The following GMDS variants were observed in gnomAD, a reference collection of about 807,000 sequenced individuals.
GMDS encodes the protein GDP-mannose 4,6-dehydratase, also known as GDP-mannose 4,6 dehydratase.
A neutral mutation model predicts 49.9 loss-of-function variants in GMDS; 20 were observed. The observed-to-expected ratio is 0.40, with a 90% confidence interval of 0.28 to 0.58. The LOEUF (loss-of-function observed/expected upper bound fraction) is 0.58. Among genes scored for constraint, GMDS ranks in the 20% least tolerant of loss-of-function variants. GMDS has a pLI of 0.42. For synonymous variants in GMDS, 177 were observed against 178.6 expected (o/e 0.99, Z 0.07); for missense variants, 362 against 481.4 (o/e 0.75, Z 2.32).
intron 1 of GMDS, among the ~76,000 whole-genome samples, chr6:2,211,619 T>C (rs984762287): frequency 6.6e-6 from 1 of 152,150 alleles, no homozygotes; most frequent in South Asian, 2.1e-4. Flanking sequence ...GTCTCACTCC[T>C]CTTTGTAGCA....
chr6:2,149,869 C>T (rs1025373952), intron 1 of GMDS, among the ~76,000 whole-genome samples: 4 of 152,090 alleles, frequency 2.6e-5, no homozygotes, highest in Non-Finnish European at 5.9e-5. Flanking sequence ...TTAACTAAGT[C>T]CCAAGGTTTT....
intron 9 of GMDS, among the ~76,000 whole-genome samples, chr6:1,695,319 G>A (rs1765301379): frequency 6.6e-6 from 1 of 152,176 alleles, no homozygotes; most frequent in Non-Finnish European, 1.5e-5. Flanking sequence ...CTGAACCAAT[G>A]AATAGCATTG....
In GMDS at chr6:2,054,771, T is replaced by G. The variant is rs573601247; in HGVS notation, c.345+61000A>C. ...ACCCAGGGGGGGAAAAAAAAAACAT[T>G]GTTGGAACAAATGTAACAGAATCCA... On this transcript the variant is annotated intron_variant, in intron 4 of 10. Coordinates refer to ENST00000380815, the MANE Select transcript of GMDS (RefSeq NM_001500.4). 4.6e-5 allele frequency among the ~76,000 whole-genome samples: 7 copies of G among 151,784 alleles called. No individual in the cohort carries two copies. In the South Asian group the frequency reaches 1.5e-3, roughly 32 times the overall value.
chr6:2,233,780 G>C (rs1048063114), intron 1 of GMDS, among the ~76,000 whole-genome samples: 5 of 152,268 alleles, frequency 3.3e-5, no homozygotes, highest in African/African-American at 1.2e-4. Flanking sequence ...GGCAGTGATC[G>C]CGCCACTGCA....
chr6:1,712,742 G>C (rs532036211), intron 9 of GMDS, among the ~76,000 whole-genome samples: 1 of 152,034 alleles, frequency 6.6e-6, no homozygotes, highest in South Asian at 2.1e-4. Flanking sequence ...GATGGAGAAA[G>C]GGAAAAAGCA....
chr6:2,053,982 A>G (rs1376938571), intron 4 of GMDS, among the ~76,000 whole-genome samples: 1 of 152,134 alleles, frequency 6.6e-6, no homozygotes, highest in Non-Finnish European at 1.5e-5. Flanking sequence ...AAAAGAAAGC[A>G]TTCTAATTCC....
chr6:2,077,239 A>C (rs959657026), intron 4 of GMDS, among the ~76,000 whole-genome samples: 1 of 152,130 alleles, frequency 6.6e-6, no homozygotes, highest in Non-Finnish European at 1.5e-5. Context: ...AAAGGTAAAC[A>C]GTCTGACTTC....
chr6:2,221,856 A>G (rs895651214), intron 1 of GMDS, among the ~76,000 whole-genome samples: 12 of 152,210 alleles, frequency 7.9e-5, no homozygotes, highest in Admixed American at 7.2e-4. Context: ...AAGAAGAAAA[A>G]GAAGACAATC....
intron 4 of GMDS, among the ~76,000 whole-genome samples, chr6:2,074,518 G>C (rs1772207180): frequency 6.6e-6 from 1 of 151,984 alleles, no homozygotes; most frequent in Non-Finnish European, 1.5e-5. Flanking sequence ...GTTTAATATA[G>C]TGCCATTTGT....
chr6:1,791,184 C>T (rs1239632062), intron 7 of GMDS, among the ~76,000 whole-genome samples: 1 of 152,220 alleles, frequency 6.6e-6, no homozygotes, highest in Non-Finnish European at 1.5e-5. Context: ...TTGACTATAA[C>T]ACTCATTTGG....
intron 8 of GMDS, 43 bp from the exon 9 acceptor site, chr6:1,726,555 G>T: frequency 6.9e-7 from 1 of 1,445,828 alleles, no homozygotes; most frequent in Non-Finnish European, 9.7e-7. Flanking sequence ...AATTGCTTGG[G>T]AACATTTGGC....
chr6:2,012,846 T>A (rs781775030), intron 4 of GMDS, among the ~76,000 whole-genome samples: 1 of 152,098 alleles, frequency 6.6e-6, no homozygotes, highest in African/African-American at 2.4e-5. Context: ...TCCAAGACAG[T>A]CTTTACGGTG....
At chr6:1,803,122 C>T (rs1436158404) in intron 7 of GMDS, among the ~76,000 whole-genome samples, 2 of 152,196 alleles carry the variant, frequency 1.3e-5, no homozygotes, top group Admixed American at 6.5e-5. Context: ...TGCAGGCAGC[C>T]GACATAACTC....
intron 1 of GMDS, among the ~76,000 whole-genome samples, chr6:2,130,386 CT>C (rs1447589544): frequency 6.6e-6 from 1 of 152,248 alleles, no homozygotes; most frequent in Non-Finnish European, 1.5e-5. Flanking sequence ...CAGAGAAGCA[CT>C]GCAATCCAGC....
intron 8 of GMDS, among the ~76,000 whole-genome samples, chr6:1,737,368 T>C (rs1268396650): frequency 6.6e-6 from 1 of 152,194 alleles, no homozygotes; most frequent in Non-Finnish European, 1.5e-5. Flanking sequence ...GTTATCCTAC[T>C]ATCATCTTAA....
chr6:1,780,627 G>A (rs927157675), intron 7 of GMDS, among the ~76,000 whole-genome samples: 2 of 152,174 alleles, frequency 1.3e-5, no homozygotes, highest in African/African-American at 4.8e-5. Flanking sequence ...CCAGGCCCAG[G>A]AGCTGGCTCC....
intron 7 of GMDS, among the ~76,000 whole-genome samples, chr6:1,832,573 G>C (rs775691055): frequency 4.6e-5 from 7 of 151,968 alleles, no homozygotes; most frequent in Non-Finnish European, 1.0e-4. Context: ...GCAGTAACTT[G>C]GCTGTTCCGG....
chr6:1,717,307 C>T (rs1247327316), intron 9 of GMDS, among the ~76,000 whole-genome samples: 2 of 152,228 alleles, frequency 1.3e-5, no homozygotes. Context: ...TCAGCTGGCT[C>T]TAGGGAGCAA....
chr6:1,860,404 C>A (rs1758127709), intron 7 of GMDS, among the ~76,000 whole-genome samples: 1 of 151,946 alleles, frequency 6.6e-6, no homozygotes, highest in East Asian at 1.9e-4. Context: ...TATATGATAT[C>A]CTGGAAAAGG....
Sources: gnomAD v4.1 joint callset for allele counts (sites outside exome capture counted in the v4.1 genomes callset) on GRCh38, gnomAD v4.1.1 for gene constraint, MANE v1.5 for transcripts, NCBI Gene and HGNC (gene_info 2026-07-23, HGNC 2026-07-21) for gene names.